The following HIPK1 variants were observed in gnomAD, a reference collection of about 807,000 sequenced individuals.
The protein encoded by HIPK1 is homeodomain interacting protein kinase 1, also known as homeodomain-interacting protein kinase 1.
Under a neutral mutation model 117.1 loss-of-function variants are expected in HIPK1, and 28 were observed. The ratio of observed to expected loss-of-function variants is 0.24; its 90% CI spans 0.18 to 0.33. The LOEUF is 0.33. Ranked by LOEUF, HIPK1 falls within the 10% of genes least tolerant of loss-of-function variation. The pLI, the probability that HIPK1 is intolerant of heterozygous loss-of-function variation, is 1.00. For synonymous variants in HIPK1, 605 were observed against 562.5 expected (o/e 1.08, Z -1.07); for missense variants, 1,122 against 1,475.1 (o/e 0.76, Z 3.92).
chr1:113,972,155 T>G, intron 15 of HIPK1: 1 of 1,448,448 alleles, frequency 6.9e-7, no homozygotes, highest in Non-Finnish European at 9.2e-7. Context: ...ATGTACATTC[T>G]AGGTTTTCCA....
intron 2 of HIPK1, among the ~76,000 whole-genome samples, chr1:113,945,256 T>C (rs1000481508): frequency 6.6e-6 from 1 of 152,196 alleles, no homozygotes; most frequent in African/African-American, 2.4e-5. Context: ...AGTTGTATAC[T>C]CTATATACTT....
At position 113,940,695 on chromosome 1, in the gene HIPK1, G is replaced by C; in HGVS notation, c.312G>C (p.Gln104His). ...SAATSTFQSS[Q>H]TLTHRSNVSL... ...CTACATCAACCTTCCAAAGCAGCCAGACCCTGACTCACAGAAGCAACGTTT... is the reference window on the plus strand; with the variant it reads ...CTACATCAACCTTCCAAAGCAGCCACACCCTGACTCACAGAAGCAACGTTT... The change falls in exon 2 of 16, where the codon CAG (glutamine) becomes CAC (histidine). Residue 104 changes from glutamine to histidine, a missense_variant. Transcript: ENST00000426820. The C allele has an allele frequency of 6.2e-7, 1 of 1,614,174 alleles. No individual in the cohort carries two copies. The highest frequency in any genetic ancestry group is 1.6e-4 in the Middle Eastern group (1 of 6,062).
chr1:113,973,100 T>A lies in HIPK1; in HGVS notation c.3221T>A (p.Val1074Glu). 1 of 1,549,438 alleles carries A rather than the reference T, an allele frequency of 6.5e-7. No individual in the cohort carries two copies. The highest frequency in any genetic ancestry group is 8.7e-7 in the Non-Finnish European group (1 of 1,146,644). The stretch of plus-strand genomic sequence containing the variant: ...GCCCCCCGCAGGCAGCAGGCGTTTG[T>A]GGCCCCTCTCTCCCAAGCCCCCTAC... Reference protein sequence around the residue: ...NPAPRRQQAFVAPLSQAPYTF... With the variant: ...NPAPRRQQAFEAPLSQAPYTF... The change falls in exon 16 of 16, where the codon GTG becomes GAG. Residue 1074 changes from valine to glutamate, a missense_variant. Around this residue, in one of 6 missense-constraint regions of HIPK1, gnomAD observed 731 missense variants for 860.4 expected, o/e 0.85. Coordinates refer to ENST00000426820, the MANE Select transcript of HIPK1 (RefSeq NM_198268.3).
chr1:113,956,168 G>A lies in HIPK1; in HGVS notation c.1408-459G>A, dbSNP rs771131798. Among the ~76,000 whole-genome samples the A allele has an allele frequency of 2.0e-5, 3 of 147,968 alleles. No individual in the cohort carries two copies. In the Admixed American group the frequency reaches 2.1e-4, roughly 10 times the overall value. On this transcript the variant is annotated intron_variant, in intron 5 of 15. Transcript: ENST00000426820. ...CAGCTCACTGCAACCTCTGCCTCCC[G>A]GGTTCAAGCGATTCTCCTGCCTCAG...
At position 113,968,708 on chromosome 1, in the gene HIPK1, G is replaced by A. The variant is rs1471677193; in HGVS notation, c.2771+60G>A. On this transcript the variant is annotated intron_variant, in intron 13 of 15. Transcript: ENST00000426820. ...TTTAGACTGTTGGCCTCAGGCAAGTGGGCCCAGTTTGGCCTGTGAAAGAAA... is the reference window on the plus strand; with the variant it reads ...TTTAGACTGTTGGCCTCAGGCAAGTAGGCCCAGTTTGGCCTGTGAAAGAAA... 4.9e-6 allele frequency: 7 copies of A among 1,422,160 alleles called. No individual in the cohort carries two copies. The East Asian group carries it at 1.6e-4, about 32-fold the overall frequency. 88.1% of individuals were successfully genotyped at this position (1,422,160 alleles called of 1,614,324 possible).
chr1:113,947,320 C>G (rs926420921), intron 2 of HIPK1, among the ~76,000 whole-genome samples: 2 of 152,188 alleles, frequency 1.3e-5, no homozygotes, highest in Non-Finnish European at 2.9e-5. Flanking sequence ...ATGTTTTTCC[C>G]TACTGAACAA....
intron 2 of HIPK1, among the ~76,000 whole-genome samples, chr1:113,947,057 A>T (rs1185393231): frequency 6.6e-6 from 1 of 152,206 alleles, no homozygotes; most frequent in Non-Finnish European, 1.5e-5. Context: ...TTGACTCCAA[A>T]GCTAGTCCTT....
chr1:113,971,756 A>C, intron 14 of HIPK1, 68 bp from the exon 15 acceptor site: 1 of 1,488,914 alleles, frequency 6.7e-7, no homozygotes, highest in Non-Finnish European at 9.1e-7. Flanking sequence ...TGGACTAATT[A>C]ATATGATGCC....
Position 113,954,788 on chromosome 1 carries a change from T to C in HIPK1, c.1320+18T>C. On this transcript the variant is annotated intron_variant, in intron 4 of 15. Transcript: ENST00000426820. The stretch of plus-strand genomic sequence containing the variant: ...GGCTTAAGGTCTGTCTTCCCTACTA[T>C]GCTTCCGACTCCTGTACTCCACCCC... 1.2e-6 allele frequency: 2 copies of C among 1,608,478 alleles called. No homozygotes were observed. The highest frequency in any genetic ancestry group is 1.7e-6 in the Non-Finnish European group (2 of 1,175,476).
chr1:113,942,275 G>A (rs868377004), intron 2 of HIPK1, among the ~76,000 whole-genome samples: 28 of 151,344 alleles, frequency 1.9e-4, no homozygotes, highest in African/African-American at 7.3e-5. Context: ...TGACCGGGCT[G>A]GTTTTGAACT....
intron 5 of HIPK1, among the ~76,000 whole-genome samples, chr1:113,955,954 G>A (rs910077572): frequency 1.3e-5 from 2 of 151,584 alleles, no homozygotes; most frequent in African/African-American, 2.4e-5. Context: ...TTTATTGAGC[G>A]CCTATTATGT....
At chr1:113,930,419 G>A (rs1369462446) in intron 1 of HIPK1, 1 of 152,396 alleles carries the variant, frequency 6.6e-6, no homozygotes, top group African/African-American at 2.4e-5. Context: ...AAGCTTTTCT[G>A]TCGTCTCCGC....
chr1:113,945,509 A>G (rs747047284), intron 2 of HIPK1, among the ~76,000 whole-genome samples: 16 of 152,172 alleles, frequency 1.1e-4, no homozygotes, highest in Non-Finnish European at 8.8e-5. Flanking sequence ...ATTTTTGTCT[A>G]TGGTCCAAGG....
intron 7 of HIPK1, among the ~76,000 whole-genome samples, chr1:113,957,611 A>C (rs1028813787): frequency 6.6e-6 from 1 of 152,206 alleles, no homozygotes; most frequent in Non-Finnish European, 1.5e-5. Context: ...GAAGGATTTT[A>C]TATCTCTTGT....
intron 7 of HIPK1, 86 bp from the exon 8 acceptor site, chr1:113,957,980 G>A (rs534718186): frequency 2.0e-5 from 20 of 1,017,824 alleles, no homozygotes; most frequent in Admixed American, 4.0e-5. Context: ...ATTATTCTAC[G>A]TTTTTCTGGA....
At chr1:113,954,303 T>C (rs926532192) in intron 3 of HIPK1, among the ~76,000 whole-genome samples, 3 of 152,236 alleles carry the variant, frequency 2.0e-5, no homozygotes, top group Non-Finnish European at 2.9e-5. Flanking sequence ...AATACACTTC[T>C]ACCTTGTCAT....
Position 113,940,841 on chromosome 1 carries a change from T to C in HIPK1, c.458T>C (p.Val153Ala). Residue 153 changes from valine (V) to alanine (A), a missense_variant, in exon 2 of 16, where the codon GTG (valine) becomes GCG (alanine). Val to Ala is a moderately conservative substitution (Grantham distance 64). Coordinates refer to ENST00000426820, the MANE Select transcript of HIPK1 (RefSeq NM_198268.3). ...PPLMLQNRTV[V>A]GAAATTTTVT... ...CTCATGCTGCAAAACAGGACTGTGG[T>C]GGGTGCTGCTGCCACAACCACCACT... The C allele has an allele frequency of 6.2e-7, 1 of 1,614,094 alleles. No individual in the cohort carries two copies. Among genetic ancestry groups the C allele is most frequent in the South Asian group, 1.1e-5 (1 of 91,084 alleles).
At chr1:113,937,244 C>T (rs1432798895) in intron 1 of HIPK1, among the ~76,000 whole-genome samples, 1 of 152,148 alleles carries the variant, frequency 6.6e-6, no homozygotes, top group African/African-American at 2.4e-5. Flanking sequence ...AGGATTTGTT[C>T]TTTCCAGCTG....
At chr1:113,969,847 C>T in intron 13 of HIPK1, 109 bp from the exon 14 acceptor site, 1 of 1,234,542 alleles carries the variant, frequency 8.1e-7, no homozygotes, top group Non-Finnish European at 1.2e-6. Flanking sequence ...GTTGAGGTCG[C>T]AGCGAGCTGT....
Sources: allele counts gnomAD v4.1 joint callset (sites outside exome capture counted in the v4.1 genomes callset), GRCh38; gene constraint gnomAD v4.1.1; regional missense constraint gnomAD v4.1.1; transcripts MANE v1.5; gene names NCBI Gene and HGNC (gene_info 2026-07-23, HGNC 2026-07-21).